CDKAL1: variants seen among roughly 807,000 people sequenced by gnomAD.
The protein encoded by CDKAL1 is threonylcarbamoyladenosine tRNA methylthiotransferase.
A neutral mutation model predicts 68.2 loss-of-function variants in CDKAL1; 32 were observed. The observed-to-expected ratio is 0.47, with a 90% CI of 0.35 to 0.63. The LOEUF is 0.63. CDKAL1 is among the 30% of genes least tolerant of loss of function. The pLI, the probability that CDKAL1 is intolerant of heterozygous loss-of-function variation, is 0.00. For synonymous variants in CDKAL1, 234 were observed against 244.3 expected (o/e 0.96, Z 0.39); for missense variants, 606 against 696.7 (o/e 0.87, Z 1.47).
chr6:20,778,969 A>G (rs191659921), intron 7 of CDKAL1, among the ~76,000 whole-genome samples: 1 of 152,318 alleles, frequency 6.6e-6, no homozygotes, highest in Non-Finnish European at 1.5e-5. Context: ...AGTCAAGTTG[A>G]CATATAAAAT....
intron 8 of CDKAL1, among the ~76,000 whole-genome samples, chr6:20,799,286 A>G (rs1293753809): frequency 3.9e-5 from 6 of 152,026 alleles, no homozygotes; most frequent in Admixed American, 3.9e-4. Flanking sequence ...TCCCAACCTC[A>G]GGTGTTCCAC....
chr6:21,174,846 G>C (rs1296052151), intron 13 of CDKAL1, among the ~76,000 whole-genome samples: 1 of 151,966 alleles, frequency 6.6e-6, no homozygotes. Context: ...CGTTATTGTT[G>C]GTAATAGCTT....
Position 20,677,427 on chromosome 6 carries a change from A to AT in CDKAL1, c.371+28059dup, listed in dbSNP as rs200060265. On this transcript the variant is annotated intron_variant, in intron 5 of 15. Transcript: ENST00000274695. ...TTTTTCATTTTTCAACGAAGGCTTT[A>AT]TTTTTTTTTAGATGGAGTTTTACTC... Among the ~76,000 whole-genome samples, 1,182 of 146,534 alleles carry AT rather than the reference A, an allele frequency of 8.1e-3. 18 individuals are homozygous for AT. The highest frequency in any genetic ancestry group is 0.028 in the African/African-American group (1,093 of 39,738).
chr6:20,920,866 T>C (rs1045351402), intron 9 of CDKAL1, among the ~76,000 whole-genome samples: 1 of 152,204 alleles, frequency 6.6e-6, no homozygotes, highest in African/African-American at 2.4e-5. Context: ...CATTTTGGAA[T>C]ATGGCAGTCA....
chr6:20,929,929 G>A (rs950441557), intron 9 of CDKAL1, among the ~76,000 whole-genome samples: 1 of 152,134 alleles, frequency 6.6e-6, no homozygotes, highest in Non-Finnish European at 1.5e-5. Flanking sequence ...TATTATTTTA[G>A]TGCTTGTTTA....
At chr6:21,019,838 T>G (rs555619133) in intron 11 of CDKAL1, among the ~76,000 whole-genome samples, 1 of 152,332 alleles carries the variant, frequency 6.6e-6, no homozygotes, top group East Asian at 1.9e-4. Flanking sequence ...TATGGCTATT[T>G]AGTTTACTTT....
Position 20,543,156 on chromosome 6 carries a change from A to G in CDKAL1, c.-5-3190A>G, listed in dbSNP as rs76052080. Among the ~76,000 whole-genome samples the G allele has an allele frequency of 3.6e-3, 554 of 152,352 alleles. 6 individuals are homozygous for G. Among genetic ancestry groups the G allele is most frequent in the African/African-American group, 0.013 (533 of 41,586 alleles). On this transcript the variant is annotated intron_variant, in intron 2 of 15. Coordinates refer to ENST00000274695, the MANE Select transcript of CDKAL1 (RefSeq NM_017774.3). The stretch of plus-strand genomic sequence containing the variant: ...CATGTACAGGTCTTTGTCTGAATAC[A>G]AGTCTTTATTTCTCTTGGATAATTG...
At chr6:21,153,005 T>C (rs1562075398) in intron 13 of CDKAL1, among the ~76,000 whole-genome samples, 1 of 152,226 alleles carries the variant, frequency 6.6e-6, no homozygotes, top group East Asian at 1.9e-4. Flanking sequence ...CTATTCTATT[T>C]AATCACCCTA....
chr6:21,129,682 C>CAAAA lies in CDKAL1; in HGVS notation c.1299+21239_1299+21242dup, dbSNP rs34802727. On this transcript the variant is annotated intron_variant, in intron 13 of 15. Transcript: ENST00000274695. The stretch of plus-strand genomic sequence containing the variant: ...ACTATACATTCTGACTGCAGTTTAC[C>CAAAA]AAAAAAAAAAAAAAAAAAAAAAAGG... 4.0e-3 allele frequency among the ~76,000 whole-genome samples: 279 copies of CAAAA among 68,954 alleles called. 6 individuals carry two copies. The highest frequency in any genetic ancestry group is 0.014 in the African/African-American group (242 of 17,876). The allele number at this position is 68,954 out of a possible 152,430, so 45.2% of individuals were successfully genotyped here.
chr6:20,686,319 C>T (rs900502424), intron 5 of CDKAL1, among the ~76,000 whole-genome samples: 2 of 152,116 alleles, frequency 1.3e-5, no homozygotes, highest in Non-Finnish European at 2.9e-5. Flanking sequence ...GTGAGCCAAG[C>T]TTCATCTGTG....
chr6:20,635,099 T>C (rs1554166851), intron 4 of CDKAL1, among the ~76,000 whole-genome samples: 1 of 152,162 alleles, frequency 6.6e-6, no homozygotes, highest in Non-Finnish European at 1.5e-5. Flanking sequence ...TGAGGTTTAG[T>C]CATTTGCTTA....
chr6:20,556,449 A>G (rs13437555), intron 4 of CDKAL1, among the ~76,000 whole-genome samples: 2,836 of 152,218 alleles, frequency 0.019, 95 homozygotes, highest in African/African-American at 0.063. Context: ...CTCCTTAATC[A>G]TAAGTATAAA....
At chr6:21,218,022 T>G (rs1286120472) in intron 15 of CDKAL1, among the ~76,000 whole-genome samples, 1 of 152,270 alleles carries the variant, frequency 6.6e-6, no homozygotes, top group East Asian at 1.9e-4. Context: ...TTTGTTCTTT[T>G]GTTTAGAACT....
intron 13 of CDKAL1, among the ~76,000 whole-genome samples, chr6:21,137,748 AT>A (rs1325213422): frequency 6.6e-6 from 1 of 152,270 alleles, no homozygotes; most frequent in East Asian, 1.9e-4. Flanking sequence ...AGCCTCCAAT[AT>A]AGTTAATATA....
At chr6:20,676,665 T>TTAAATAAATAAA (rs146546357) in intron 5 of CDKAL1, among the ~76,000 whole-genome samples, 32 of 132,864 alleles carry the variant, frequency 2.4e-4, no homozygotes, top group African/African-American at 4.9e-4. Context: ...AGACTCTGTC[T>TTAAATAAATAAA]TAAATAAATA....
chr6:21,228,508 T>C (rs962685217), intron 15 of CDKAL1, among the ~76,000 whole-genome samples: 2 of 152,230 alleles, frequency 1.3e-5, no homozygotes, highest in African/African-American at 4.8e-5. Context: ...TCAAGTAGAA[T>C]AGCTTCCTGA....
At chr6:20,636,292 G>A (rs549992864) in intron 4 of CDKAL1, among the ~76,000 whole-genome samples, 4 of 152,050 alleles carry the variant, frequency 2.6e-5, no homozygotes, top group African/African-American at 9.7e-5. Flanking sequence ...GTTCATTTTG[G>A]TGTTCCTTCC....
intron 10 of CDKAL1, among the ~76,000 whole-genome samples, chr6:20,981,589 C>G (rs1439493217): frequency 1.3e-5 from 2 of 152,218 alleles, no homozygotes; most frequent in African/African-American, 4.8e-5. Flanking sequence ...CGCCTGTAAT[C>G]CCAGCACTTT....
intron 4 of CDKAL1, among the ~76,000 whole-genome samples, chr6:20,621,685 C>T (rs1438780640): frequency 6.6e-6 from 1 of 151,526 alleles, no homozygotes; most frequent in African/African-American, 2.4e-5. Context: ...TATTTTGTTA[C>T]TTAAATTGAT....
Sources: gnomAD v4.1 joint callset for allele counts (sites outside exome capture counted in the v4.1 genomes callset) on GRCh38, gnomAD v4.1.1 for gene constraint, MANE v1.5 for transcripts, NCBI Gene and HGNC (gene_info 2026-07-23, HGNC 2026-07-21) for gene names.